The following XKR9 variants were observed in gnomAD, a reference collection of about 807,000 sequenced individuals.
XKR9 encodes XK-related protein 9.
XKR9 carries 32 observed loss-of-function variants against 32.0 expected under a neutral mutation model. That is an observed-to-expected ratio of 1.00 (90% CI 0.76 to 1.34). The LOEUF (loss-of-function observed/expected upper bound fraction) is 1.34. XKR9 is among the 40% of genes most tolerant of loss of function. The pLI is 0.00. For missense variants in XKR9, 546 were observed against 429.7 expected (o/e 1.27, Z -2.39); for synonymous variants, 168 against 143.4 (o/e 1.17, Z -1.22).
At chr8:70,871,484 T>C in the XKR9 span, among the ~76,000 whole-genome samples, 1 of 152,224 alleles carries the variant, frequency 6.6e-6, no homozygotes, top group Non-Finnish European at 1.5e-5. Flanking sequence ...TCAAACTTTT[T>C]CATTATTATA....
intron 4 of XKR9, among the ~76,000 whole-genome samples, chr8:70,729,801 A>G (rs889752991): frequency 6.6e-6 from 1 of 152,170 alleles, no homozygotes; most frequent in African/African-American, 2.4e-5. Flanking sequence ...CATTTACACA[A>G]ATACAGCCCA....
At chr8:70,776,945 C>CTA (rs1393735829) in intron 2 of XKR9, among the ~76,000 whole-genome samples, 72 of 62,514 alleles carry the variant, frequency 1.2e-3, no homozygotes, top group Admixed American at 2.3e-3. Context: ...CTCTCTCTCT[C>CTA]TCTATATATA....
chr8:71,061,722 T>A, the XKR9 span, among the ~76,000 whole-genome samples: 1 of 152,290 alleles, frequency 6.6e-6, no homozygotes, highest in South Asian at 2.1e-4. Context: ...TAAGTGTCTG[T>A]ATCCCAAGGG....
chr8:70,813,519 A>G, the XKR9 span, among the ~76,000 whole-genome samples: 3 of 152,250 alleles, frequency 2.0e-5, no homozygotes, highest in Admixed American at 6.5e-5. Flanking sequence ...ACAAAATGGG[A>G]GAAAATTTTT....
chr8:71,038,775 T>G, the XKR9 span, among the ~76,000 whole-genome samples: 1 of 146,662 alleles, frequency 6.8e-6, no homozygotes, highest in South Asian at 2.1e-4. Flanking sequence ...AAAAAGTGAA[T>G]GAACAGATGT....
At chr8:71,007,087 G>A in the XKR9 span, among the ~76,000 whole-genome samples, 4 of 152,116 alleles carry the variant, frequency 2.6e-5, no homozygotes, top group Admixed American at 2.6e-4. Flanking sequence ...TCAGCATCCT[G>A]TTGCATAGCA....
At chr8:70,978,833 C>A in the XKR9 span, among the ~76,000 whole-genome samples, 8 of 152,274 alleles carry the variant, frequency 5.3e-5, 1 homozygote, top group South Asian at 1.5e-3. Context: ...AGAGTGTTTT[C>A]CAGCTTGGTT....
rs1470560744 is a variant in XKR9, at chr8:70,681,156, T to C, written c.98T>C (p.Phe33Ser). The C allele has an allele frequency of 1.2e-6, 2 of 1,613,624 alleles. No homozygotes were observed. Among genetic ancestry groups the C allele is most frequent in the Non-Finnish European group, 1.7e-6 (2 of 1,179,636 alleles). ...GACATATGGGTATCTGTCAGATTTT[T>C]CCATGAAGGACAGTATGTTTTTAGT... ...IVDIWVSVRF[F>S]HEGQYVFSAL... The change falls in exon 3 of 5, where the codon TTC becomes TCC. Residue 33 changes from phenylalanine (F) to serine (S), a missense_variant. Coordinates refer to ENST00000408926, the MANE Select transcript of XKR9 (RefSeq NM_001011720.2).
chr8:70,739,347 G>C (rs1304056876), downstream of XKR9, among the ~76,000 whole-genome samples: 6 of 151,672 alleles, frequency 4.0e-5, no homozygotes, highest in Non-Finnish European at 8.8e-5. Context: ...CTTTTATTTT[G>C]AGCCTATGTG....
the XKR9 span, among the ~76,000 whole-genome samples, chr8:70,803,211 C>G: frequency 2.0e-5 from 3 of 152,026 alleles, no homozygotes; most frequent in Non-Finnish European, 4.4e-5. Context: ...CTTGGACATT[C>G]TTTCCTCAAT....
intron 4 of XKR9, among the ~76,000 whole-genome samples, chr8:70,710,527 C>A (rs1427641528): frequency 7.9e-5 from 12 of 151,922 alleles, no homozygotes; most frequent in Non-Finnish European, 8.8e-5. Flanking sequence ...ATGGTGAAAC[C>A]CCATCTCTAG....
chr8:70,951,625 G>C, the XKR9 span, among the ~76,000 whole-genome samples: 1 of 152,242 alleles, frequency 6.6e-6, no homozygotes, highest in Admixed American at 6.5e-5. Context: ...TTTTGGAAGA[G>C]AGAGGAGTAC....
At chr8:70,927,838 A>T in the XKR9 span, among the ~76,000 whole-genome samples, 3 of 152,080 alleles carry the variant, frequency 2.0e-5, no homozygotes, top group Admixed American at 2.0e-4. Flanking sequence ...ATTGCCTATG[A>T]TGATGTTTGT....
the XKR9 span, among the ~76,000 whole-genome samples, chr8:70,877,223 T>A: frequency 6.6e-6 from 1 of 152,152 alleles, no homozygotes; most frequent in South Asian, 2.1e-4. Flanking sequence ...TGTGGGAAAC[T>A]GCCCCCATGA....
At chr8:71,022,245 T>C in the XKR9 span, among the ~76,000 whole-genome samples, 1 of 152,234 alleles carries the variant, frequency 6.6e-6, no homozygotes, top group Non-Finnish European at 1.5e-5. Flanking sequence ...AGTATTATAC[T>C]GTAGTTTGAA....
At chr8:70,779,249 A>G (rs1228207355) in intron 2 of XKR9, among the ~76,000 whole-genome samples, 1 of 152,046 alleles carries the variant, frequency 6.6e-6, no homozygotes, top group Admixed American at 6.6e-5. Context: ...GTGATGGATT[A>G]TGTTTATTGC....
At chr8:70,998,680 C>G in the XKR9 span, among the ~76,000 whole-genome samples, 462 of 152,350 alleles carry the variant, frequency 3.0e-3, 3 homozygotes, top group South Asian at 0.018. Context: ...GATTCCTAAA[C>G]TCCACATGCA....
At chr8:70,787,234 G>T (rs114558107) in intron 2 of XKR9, among the ~76,000 whole-genome samples, 1 of 152,008 alleles carries the variant, frequency 6.6e-6, no homozygotes. Context: ...ATACAGACAA[G>T]AATTTTTTTA....
chr8:70,867,678 C>T, the XKR9 span, among the ~76,000 whole-genome samples: 1 of 152,148 alleles, frequency 6.6e-6, no homozygotes, highest in African/African-American at 2.4e-5. Flanking sequence ...TCTCAAATTT[C>T]CAACCTCAGG....
Sources: allele counts gnomAD v4.1 joint callset (sites outside exome capture counted in the v4.1 genomes callset), GRCh38; gene constraint gnomAD v4.1.1; transcripts MANE v1.5; gene names NCBI Gene and HGNC (gene_info 2026-07-23, HGNC 2026-07-21).